SLC24A3: variants seen among roughly 807,000 people sequenced by gnomAD.
The protein encoded by SLC24A3 is solute carrier family 24 member 3.
Under a neutral mutation model 75.8 loss-of-function variants are expected in SLC24A3, and 28 were observed. The observed-to-expected ratio is 0.37, with a 90% CI of 0.27 to 0.51. SLC24A3 has a LOEUF of 0.51. Among genes scored for constraint, SLC24A3 ranks in the 20% least tolerant of loss-of-function variants. The probability of loss-of-function intolerance (pLI) is 0.94; values close to 1 mark genes in which losing one functional copy is unlikely to be tolerated. For missense variants in SLC24A3, 663 were observed against 847.8 expected (o/e 0.78, Z 2.71); for synonymous variants, 372 against 334.1 (o/e 1.11, Z -1.24).
At chr20:19,572,398 C>G (rs1437850445) in intron 3 of SLC24A3, among the ~76,000 whole-genome samples, 1 of 152,148 alleles carries the variant, frequency 6.6e-6, no homozygotes, top group African/African-American at 2.4e-5. Flanking sequence ...AGCAATGCAA[C>G]ATAATATTCT....
intron 2 of SLC24A3, among the ~76,000 whole-genome samples, chr20:19,510,420 AG>A (rs1988519407): frequency 6.6e-6 from 1 of 152,186 alleles, no homozygotes; most frequent in Non-Finnish European, 1.5e-5. Flanking sequence ...TGTGTGTATA[AG>A]TTATGGTCTC....
chr20:19,361,970 C>T (rs902129261), intron 2 of SLC24A3, among the ~76,000 whole-genome samples: 2 of 152,088 alleles, frequency 1.3e-5, no homozygotes, highest in African/African-American at 4.8e-5. Context: ...GCCTCTCAGT[C>T]GTATCTCGTT....
chr20:19,227,010 A>C (rs1170833388), intron 1 of SLC24A3, among the ~76,000 whole-genome samples: 33 of 152,358 alleles, frequency 2.2e-4, no homozygotes, highest in African/African-American at 7.9e-4. Context: ...GTATTTCAGC[A>C]TCAAAAGGCA....
chr20:19,455,475 A>T (rs1419537941), intron 2 of SLC24A3, among the ~76,000 whole-genome samples: 1 of 152,210 alleles, frequency 6.6e-6, no homozygotes, highest in Non-Finnish European at 1.5e-5. Context: ...AGATTCTTGC[A>T]TCTGTCTCCC....
chr20:19,669,395 G>A (rs751732383), intron 8 of SLC24A3, among the ~76,000 whole-genome samples: 9 of 152,146 alleles, frequency 5.9e-5, no homozygotes, highest in Non-Finnish European at 8.8e-5. Context: ...CCGGCTGCTC[G>A]GGAGGCTGAG....
At chr20:19,644,347 C>G (rs1266561083) in intron 6 of SLC24A3, among the ~76,000 whole-genome samples, 1 of 152,094 alleles carries the variant, frequency 6.6e-6, no homozygotes, top group African/African-American at 2.4e-5. Flanking sequence ...TACAATAAAC[C>G]CTTGAGTCAC....
At chr20:19,489,655 A>G (rs978405683) in intron 2 of SLC24A3, among the ~76,000 whole-genome samples, 1 of 152,164 alleles carries the variant, frequency 6.6e-6, no homozygotes, top group Non-Finnish European at 1.5e-5. Context: ...ATTTGGGGGC[A>G]CAGAGGGGCT....
intron 2 of SLC24A3, among the ~76,000 whole-genome samples, chr20:19,356,858 A>C (rs1985696531): frequency 6.6e-6 from 1 of 151,790 alleles, no homozygotes; most frequent in South Asian, 2.1e-4. Context: ...TGCATTAATA[A>C]TAATAATAAT....
rs372363239 is a variant in SLC24A3 at position 19,341,155 on chromosome 20, C to T, written c.271+60068C>T. Among the ~76,000 whole-genome samples the T allele has an allele frequency of 4.0e-4, 61 of 152,280 alleles. No homozygotes were observed. The South Asian group carries it at 0.011, about 28-fold the overall frequency. ...TTGGTCTGGGATGTGGTCTGGGTAGCGGGAGTTTTTGAGTCTTCCAGGTGG... is the reference window on the plus strand; with the variant it reads ...TTGGTCTGGGATGTGGTCTGGGTAGTGGGAGTTTTTGAGTCTTCCAGGTGG... On this transcript the variant is annotated intron_variant, in intron 2 of 16. Coordinates refer to ENST00000328041, the MANE Select transcript of SLC24A3 (RefSeq NM_020689.4).
intron 9 of SLC24A3, 31 bp downstream of exon 9, chr20:19,673,685 A>T (rs766056803): frequency 3.2e-6 from 5 of 1,581,666 alleles, no homozygotes; most frequent in Non-Finnish European, 4.3e-6. Context: ...CTTATCCAAA[A>T]CTGTTTCTTG....
At chr20:19,556,725 T>C (rs79141557) in intron 3 of SLC24A3, among the ~76,000 whole-genome samples, 3,530 of 152,218 alleles carry the variant, frequency 0.023, 80 homozygotes, top group South Asian at 0.082. Flanking sequence ...ATTCTTCCAC[T>C]AAGTGGTATT....
intron 2 of SLC24A3, among the ~76,000 whole-genome samples, chr20:19,404,409 G>T (rs1986605696): frequency 6.6e-6 from 1 of 152,162 alleles, no homozygotes; most frequent in African/African-American, 2.4e-5. Flanking sequence ...TGGGGGTGTA[G>T]GTAAAAGTGG....
rs192736812 is a variant in SLC24A3, at chr20:19,367,646, A to T, written c.271+86559A>T. 4.6e-5 allele frequency among the ~76,000 whole-genome samples: 7 copies of T among 152,284 alleles called. No homozygotes were observed. The South Asian group carries it at 8.3e-4, about 18-fold the overall frequency. ...TCTCCCTGCCTTCTGTTTACCGTCT[A>T]CTAAGCCACACCTTACTTGGGAAGG... On this transcript the variant is annotated intron_variant, in intron 2 of 16. Coordinates refer to ENST00000328041, the MANE Select transcript of SLC24A3 (RefSeq NM_020689.4).
chr20:19,218,689 G>A (rs1421696966), intron 1 of SLC24A3, among the ~76,000 whole-genome samples: 1 of 151,602 alleles, frequency 6.6e-6, no homozygotes, highest in East Asian at 1.9e-4. Flanking sequence ...AATCCTTGTG[G>A]GAAGCTTTTT....
At chr20:19,657,067 G>A (rs557551471) in intron 7 of SLC24A3, among the ~76,000 whole-genome samples, 1 of 152,236 alleles carries the variant, frequency 6.6e-6, no homozygotes, top group South Asian at 2.1e-4. Flanking sequence ...AGGCTGCCAG[G>A]GCAACTCCAT....
At chr20:19,543,065 G>C (rs1351234408) in intron 3 of SLC24A3, among the ~76,000 whole-genome samples, 1 of 152,182 alleles carries the variant, frequency 6.6e-6, no homozygotes, top group East Asian at 1.9e-4. Flanking sequence ...AGTACACATG[G>C]GATTTTTATT....
intron 2 of SLC24A3, among the ~76,000 whole-genome samples, chr20:19,346,794 A>C (rs57081192): frequency 0.11 from 16,216 of 152,076 alleles, 2,298 homozygotes; most frequent in African/African-American, 0.33. Context: ...CACTGAAGAA[A>C]TTATTCATGT....
At chr20:19,698,474 C>G in intron 14 of SLC24A3, 94 bp from the exon 15 acceptor site, 1 of 791,480 alleles carries the variant, frequency 1.3e-6, no homozygotes, top group South Asian at 1.7e-5. Context: ...GCTTGCAGAA[C>G]CACTCTCTGG....
At chr20:19,419,367 C>T (rs1600473433) in intron 2 of SLC24A3, among the ~76,000 whole-genome samples, 2 of 143,064 alleles carry the variant, frequency 1.4e-5, no homozygotes, top group Non-Finnish European at 1.5e-5. Context: ...AAGCTAGCTT[C>T]TTTTTTTTTT....
Sources: gnomAD v4.1 joint callset for allele counts (sites outside exome capture counted in the v4.1 genomes callset) on GRCh38, gnomAD v4.1.1 for gene constraint, MANE v1.5 for transcripts, NCBI Gene and HGNC (gene_info 2026-07-23, HGNC 2026-07-21) for gene names.